STAG1: variants seen among roughly 807,000 people sequenced by gnomAD.
STAG1 encodes the protein STAG1 cohesin complex component, also known as cohesin subunit SA-1.
Under a neutral mutation model 170.9 loss-of-function variants are expected in STAG1, and 26 were observed. The ratio of observed to expected loss-of-function variants is 0.15; its 90% CI spans 0.11 to 0.21. The LOEUF (loss-of-function observed/expected upper bound fraction) is 0.21. Ranked by LOEUF, STAG1 falls within the 10% of genes least tolerant of loss-of-function variation. The probability of loss-of-function intolerance (pLI) is 1.00; values close to 1 mark genes in which losing one functional copy is unlikely to be tolerated. For synonymous variants in STAG1, 514 were observed against 497.7 expected (o/e 1.03, Z -0.44); for missense variants, 964 against 1,509.5 (o/e 0.64, Z 5.99).
intron 1 of STAG1, chr3:136,736,685 T>C (rs1204153881): frequency 1.9e-6 from 3 of 1,604,138 alleles, no homozygotes; most frequent in African/African-American, 2.7e-5. Context: ...CTCCCCTTTG[T>C]CGTTTCCTTT....
intron 2 of STAG1, among the ~76,000 whole-genome samples, chr3:136,626,881 T>C (rs935390820): frequency 2.0e-5 from 3 of 152,240 alleles, no homozygotes; most frequent in African/African-American, 7.2e-5. Flanking sequence ...AGAGTCCAGT[T>C]AGATCTCAAG....
At chr3:136,459,775 G>T (rs762930621) in intron 13 of STAG1, among the ~76,000 whole-genome samples, 79 of 152,242 alleles carry the variant, frequency 5.2e-4, no homozygotes, top group Admixed American at 1.3e-3. Context: ...ATGGTTCAAA[G>T]AAGAAATTTT....
At chr3:136,663,142 C>T (rs964511867) in intron 1 of STAG1, among the ~76,000 whole-genome samples, 6 of 151,652 alleles carry the variant, frequency 4.0e-5, no homozygotes, top group African/African-American at 1.2e-4. Context: ...ACAGCCTATA[C>T]AAAAACTGTG....
chr3:136,651,194 G>A (rs72973410), intron 1 of STAG1, among the ~76,000 whole-genome samples: 1,745 of 151,866 alleles, frequency 0.011, 22 homozygotes, highest in African/African-American at 0.04. Context: ...GTGAGCTCTC[G>A]TCTCTACAAA....
chr3:136,484,150 G>A (rs1244777075), intron 9 of STAG1, among the ~76,000 whole-genome samples: 2 of 147,410 alleles, frequency 1.4e-5, no homozygotes, highest in East Asian at 4.1e-4. Context: ...AGGAGGAGAG[G>A]CGCTCTGCGT....
At chr3:136,411,056 A>G (rs2087611454) in intron 21 of STAG1, among the ~76,000 whole-genome samples, 1 of 152,236 alleles carries the variant, frequency 6.6e-6, no homozygotes. Context: ...AGCTTAAAAT[A>G]GTACCTTGTA....
At chr3:136,500,487 G>C (rs761739243) in intron 8 of STAG1, among the ~76,000 whole-genome samples, 191 bp from the exon 9 acceptor site, 19 of 152,034 alleles carry the variant, frequency 1.2e-4, no homozygotes, top group Admixed American at 2.6e-4. Context: ...ATTGGTTTTA[G>C]AACTTTTCAC....
chr3:136,713,791 A>C (rs1338348767), intron 1 of STAG1, among the ~76,000 whole-genome samples: 2 of 151,928 alleles, frequency 1.3e-5, no homozygotes, highest in African/African-American at 4.8e-5. Flanking sequence ...GGGAGGCCAC[A>C]ATGGGCAGAT....
intron 9 of STAG1, 38 bp from the exon 10 acceptor site, chr3:136,477,450 A>T (rs1421434831): frequency 6.4e-7 from 1 of 1,561,170 alleles, no homozygotes; most frequent in Non-Finnish European, 8.6e-7. Flanking sequence ...AAATTAATAT[A>T]CAAAGCTAGA....
At chr3:136,637,722 T>C (rs1940626870) in intron 1 of STAG1, among the ~76,000 whole-genome samples, 1 of 152,162 alleles carries the variant, frequency 6.6e-6, no homozygotes, top group Non-Finnish European at 1.5e-5. Flanking sequence ...CATACAGTTA[T>C]TGTGGTAAGT....
chr3:136,629,844 A>C (rs1940258070), intron 2 of STAG1, among the ~76,000 whole-genome samples: 1 of 152,216 alleles, frequency 6.6e-6, no homozygotes, highest in South Asian at 2.1e-4. Flanking sequence ...TCATGATAAA[A>C]GCTATGAAAG....
Position 136,750,455 on chromosome 3 carries a change from CAATCAAA to C in STAG1, c.-84+1733_-84+1739del, listed in dbSNP as rs1441134202. Among the ~76,000 whole-genome samples, 5 of 152,302 alleles carry C rather than the reference CAATCAAA, an allele frequency of 3.3e-5. No homozygotes were observed. The South Asian group carries it at 1.0e-3, about 32-fold the overall frequency. On this transcript the variant is annotated intron_variant, in intron 1 of 33. Transcript: ENST00000383202. ...AGTGCCTTTAAGGCTTTAAAAGAGC[CAATCAAA>C]TCTACAGTCATTTTATTAGTCTCTT...
chr3:136,490,396 T>C (rs1317924095), intron 9 of STAG1, among the ~76,000 whole-genome samples: 1 of 152,198 alleles, frequency 6.6e-6, no homozygotes, highest in Non-Finnish European at 1.5e-5. Context: ...CTCATTTTTG[T>C]TGCTAATTAT....
chr3:136,463,794 T>C (rs927463466), intron 13 of STAG1, among the ~76,000 whole-genome samples: 46 of 73,748 alleles, frequency 6.2e-4, no homozygotes, highest in South Asian at 1.1e-3. Context: ...CACACACATA[T>C]ACATATACAT....
Position 136,452,136 on chromosome 3 carries a change from C to G in STAG1, c.1325G>C (p.Arg442Thr), listed in dbSNP as rs143952475. Residue 442 changes from arginine (R) to threonine (T), a missense_variant, in exon 14 of 34, where the codon AGA becomes ACA. Around this residue, in one of 11 missense-constraint regions of STAG1, gnomAD observed 162 missense variants for 211.2 expected, o/e 0.77. Transcript: ENST00000383202. ...GEFLHKKLFSRHDPQAEEALA... is the reference protein window; with the variant it reads ...GEFLHKKLFSTHDPQAEEALA... Reference sequence around the variant, plus strand: ...TGCTTCTTCTGCTTGTGGGTCATGTCTGCTAAATAGCCTGGAAATGAAAAA... The same window carrying G: ...TGCTTCTTCTGCTTGTGGGTCATGTGTGCTAAATAGCCTGGAAATGAAAAA... 2.0e-5 allele frequency: 32 copies of G among 1,612,334 alleles called. No individual in the cohort carries two copies. Among genetic ancestry groups the G allele is most frequent in the Non-Finnish European group, 2.5e-5 (30 of 1,179,124 alleles).
chr3:136,714,976 A>T lies in STAG1; in HGVS notation c.-84+37219T>A, dbSNP rs1373830919. On this transcript the variant is annotated intron_variant, in intron 1 of 33. Transcript: ENST00000383202. ...ATATATATATATATTTTATATATAT[A>T]TTTTTATATATATATTTTATATATA... is the stretch of plus-strand genomic sequence containing the variant. 1.7e-3 allele frequency among the ~76,000 whole-genome samples: 189 copies of T among 108,780 alleles called. 2 individuals are homozygous for T. Among genetic ancestry groups the T allele is most frequent in the African/African-American group, 4.5e-3 (147 of 32,950 alleles). 71.4% of individuals were successfully genotyped at this position (108,780 alleles called of 152,430 possible).
chr3:136,526,401 G>C (rs1316973409), intron 6 of STAG1, among the ~76,000 whole-genome samples: 1 of 152,128 alleles, frequency 6.6e-6, no homozygotes, highest in African/African-American at 2.4e-5. Flanking sequence ...TGTTTTATCA[G>C]AGACTAGGAT....
At position 136,611,396 on chromosome 3, in the gene STAG1, G is replaced by A. The variant is rs994135240; in HGVS notation, c.133-6923C>T. 7.9e-5 allele frequency among the ~76,000 whole-genome samples: 12 copies of A among 152,160 alleles called. No individual in the cohort carries two copies. In the Middle Eastern group the frequency reaches 0.017, roughly 216 times the overall value. ...ACTCCCGACCTCAGGTGATCCGCCCGCCTCAGCCTCCCAAAGTGCTGGGAT... is the reference window on the plus strand; with the variant it reads ...ACTCCCGACCTCAGGTGATCCGCCCACCTCAGCCTCCCAAAGTGCTGGGAT... On this transcript the variant is annotated intron_variant, in intron 3 of 33. Coordinates refer to ENST00000383202, the MANE Select transcript of STAG1 (RefSeq NM_005862.3).
chr3:136,664,015 G>A (rs1941669953), intron 1 of STAG1, among the ~76,000 whole-genome samples: 1 of 152,166 alleles, frequency 6.6e-6, no homozygotes, highest in Admixed American at 6.5e-5. Context: ...TGTAAAATTT[G>A]CATTCCAAAT....
Sources: gnomAD v4.1 joint callset for allele counts (sites outside exome capture counted in the v4.1 genomes callset) on GRCh38, gnomAD v4.1.1 for gene constraint, gnomAD v4.1.1 regional missense constraint, MANE v1.5 for transcripts, NCBI Gene and HGNC (gene_info 2026-07-23, HGNC 2026-07-21) for gene names.